NCALD: variants seen among roughly 807,000 people sequenced by gnomAD.
The protein encoded by NCALD is neurocalcin-delta.
In NCALD, 10 loss-of-function variants were observed where a neutral mutation model predicts 18.6. That is an observed-to-expected ratio of 0.54 (90% confidence interval 0.33 to 0.91). NCALD has a LOEUF of 0.91. NCALD is among the 40% of genes least tolerant of loss of function. NCALD has a pLI of 0.03. For synonymous variants in NCALD, 88 were observed against 87.4 expected, an observed-to-expected ratio of 1.01 and a Z score of -0.04; for missense variants, 184 against 247.6, an observed-to-expected ratio of 0.74 and a Z score of 1.72.
chr8:102,058,671 A>G (rs1823739518), intron 1 of NCALD, among the ~76,000 whole-genome samples: 1 of 152,036 alleles, frequency 6.6e-6, no homozygotes, highest in East Asian at 1.9e-4. Flanking sequence ...GACAGTCTAC[A>G]CTCTCAGGCA....
intron 2 of NCALD, among the ~76,000 whole-genome samples, chr8:101,952,204 G>A (rs1176096243): frequency 1.3e-5 from 2 of 152,092 alleles, no homozygotes; most frequent in African/African-American, 2.4e-5. Flanking sequence ...TGAGAGTGCT[G>A]GGTCTTGTCC....
At chr8:101,824,224 C>T (rs1813838843) in intron 4 of NCALD, among the ~76,000 whole-genome samples, 1 of 152,194 alleles carries the variant, frequency 6.6e-6, no homozygotes, top group African/African-American at 2.4e-5. Context: ...GTATTTGTTA[C>T]TATCAGTGCC....
chr8:102,066,553 T>C (rs1824014735), intron 1 of NCALD, among the ~76,000 whole-genome samples: 1 of 152,204 alleles, frequency 6.6e-6, no homozygotes, highest in South Asian at 2.1e-4. Flanking sequence ...AGCTATTTAG[T>C]GACCATTGTG....
At chr8:101,696,327 G>C (rs983224141) in intron 2 of NCALD, among the ~76,000 whole-genome samples, 1 of 152,198 alleles carries the variant, frequency 6.6e-6, no homozygotes, top group African/African-American at 2.4e-5. Context: ...AGAAATACAT[G>C]TAAAACCATT....
At chr8:101,826,292 G>A (rs917612380) in intron 4 of NCALD, among the ~76,000 whole-genome samples, 1 of 152,202 alleles carries the variant, frequency 6.6e-6, no homozygotes, top group African/African-American at 2.4e-5. Flanking sequence ...GGGCAAATTA[G>A]CAAAGAATCA....
At chr8:101,752,007 T>C (rs1405284727) in intron 1 of NCALD, among the ~76,000 whole-genome samples, 1 of 152,232 alleles carries the variant, frequency 6.6e-6, no homozygotes, top group African/African-American at 2.4e-5. Flanking sequence ...ACTGTAAATA[T>C]AAAACTTAAT....
intron 4 of NCALD, among the ~76,000 whole-genome samples, chr8:101,825,154 T>C (rs1813880089): frequency 6.6e-6 from 1 of 152,206 alleles, no homozygotes; most frequent in Non-Finnish European, 1.5e-5. Flanking sequence ...AATTCCAAAA[T>C]GGCAATCATA....
chr8:102,085,918 T>G (rs1824722518), intron 1 of NCALD, among the ~76,000 whole-genome samples: 1 of 152,172 alleles, frequency 6.6e-6, no homozygotes, highest in African/African-American at 2.4e-5. Flanking sequence ...ATTTCAAAAT[T>G]TTGTTGACTC....
intron 2 of NCALD, among the ~76,000 whole-genome samples, chr8:102,004,525 A>T (rs1821616921): frequency 6.6e-6 from 1 of 152,190 alleles, no homozygotes; most frequent in African/African-American, 2.4e-5. Flanking sequence ...ATTGGAAAAA[A>T]CTACTTTAAA....
intron 1 of NCALD, among the ~76,000 whole-genome samples, chr8:102,049,725 T>G (rs559733013): frequency 3.9e-5 from 6 of 152,332 alleles, no homozygotes; most frequent in Admixed American, 3.9e-4. Flanking sequence ...GTGTACTGAA[T>G]TGTAGATGTG....
intron 2 of NCALD, among the ~76,000 whole-genome samples, chr8:102,019,672 G>A (rs1406954618): frequency 6.6e-6 from 1 of 152,096 alleles, no homozygotes; most frequent in Non-Finnish European, 1.5e-5. Flanking sequence ...TCTCATTTAT[G>A]ACTAAAACTT....
chr8:101,817,809 C>T (rs947537761), intron 4 of NCALD, among the ~76,000 whole-genome samples: 8 of 152,128 alleles, frequency 5.3e-5, no homozygotes, highest in African/African-American at 1.4e-4. Context: ...TTTTTAAAGA[C>T]CCTCTGACAC....
At chr8:102,036,126 A>AAAAT (rs1554583477) in intron 1 of NCALD, among the ~76,000 whole-genome samples, 18 of 148,992 alleles carry the variant, frequency 1.2e-4, no homozygotes, top group African/African-American at 3.7e-4. Flanking sequence ...CATCTCTACA[A>AAAAT]AAATAAATAA....
At chr8:101,864,357 A>C (rs1173394098) in intron 4 of NCALD, among the ~76,000 whole-genome samples, 1 of 152,186 alleles carries the variant, frequency 6.6e-6, no homozygotes, top group Admixed American at 6.5e-5. Flanking sequence ...CACACAGTGC[A>C]TGTGAGTGAT....
At chr8:101,804,523 AGATTATATAATATATAATTAATATAATT>A (rs1174489572) in intron 4 of NCALD, among the ~76,000 whole-genome samples, 156 of 117,464 alleles carry the variant, frequency 1.3e-3, no homozygotes, top group African/African-American at 5.6e-3. Context: ...TATATAACAA[AGATTATATAATATATAATTAATATAATT>A]GATTATATAA....
In NCALD at chr8:101,830,137, C is replaced by T. The variant is rs182352926; in HGVS notation, c.-20+57004G>A. ...GAGGTTTGTCTTTCCGTTTGGATGT[C>T]GTGAGGTTAAATGAATTGCTGATCT... On this transcript the variant is annotated intron_variant, in intron 4 of 6. Transcript: ENST00000311028. 1.1e-4 allele frequency among the ~76,000 whole-genome samples: 16 copies of T among 152,096 alleles called. No homozygotes were observed. In the East Asian group the frequency reaches 2.5e-3, roughly 24 times the overall value.
At chr8:102,099,839 G>T (rs1459542163) in intron 1 of NCALD, among the ~76,000 whole-genome samples, 1 of 151,786 alleles carries the variant, frequency 6.6e-6, no homozygotes, top group East Asian at 1.9e-4. Context: ...TACCAAAGCA[G>T]TGCACACTTG....
intron 4 of NCALD, among the ~76,000 whole-genome samples, chr8:101,883,793 T>A (rs1816574640): frequency 6.6e-6 from 1 of 152,220 alleles, no homozygotes; most frequent in Admixed American, 6.5e-5. Flanking sequence ...AAAACCTATA[T>A]ATTTCCTTAT....
intron 1 of NCALD, among the ~76,000 whole-genome samples, chr8:102,066,030 T>C (rs1823997537): frequency 6.6e-6 from 1 of 152,200 alleles, no homozygotes; most frequent in Non-Finnish European, 1.5e-5. Context: ...TTTCAGCTAT[T>C]AGTTTCACCC....
Sources: gnomAD v4.1 joint callset for allele counts (sites outside exome capture counted in the v4.1 genomes callset) on GRCh38, gnomAD v4.1.1 for gene constraint, MANE v1.5 for transcripts, NCBI Gene and HGNC (gene_info 2026-07-23, HGNC 2026-07-21) for gene names.